The following THSD7B variants were observed in gnomAD, a reference collection of about 807,000 sequenced individuals.
THSD7B encodes the protein thrombospondin type-1 domain-containing protein 7B.
In THSD7B, 138 loss-of-function variants were observed where a neutral mutation model predicts 213.6. The ratio of observed to expected loss-of-function variants is 0.65; its 90% CI spans 0.56 to 0.74. THSD7B has a LOEUF of 0.74. Ranked by LOEUF, THSD7B falls within the 30% of genes least tolerant of loss-of-function variation. THSD7B has a pLI of 0.00. For missense variants in THSD7B, 1,931 were observed against 1,991.5 expected (o/e 0.97, Z 0.58); for synonymous variants, 742 against 687.0 (o/e 1.08, Z -1.25).
At chr2:136,845,210 A>G (rs1400980497) in intron 1 of THSD7B, among the ~76,000 whole-genome samples, 1 of 152,174 alleles carries the variant, frequency 6.6e-6, no homozygotes, top group Non-Finnish European at 1.5e-5. Context: ...GCACATTCCT[A>G]TGGAGGAGGT....
intron 7 of THSD7B, among the ~76,000 whole-genome samples, chr2:137,193,674 G>A (rs1440197889): frequency 6.6e-6 from 1 of 152,040 alleles, no homozygotes; most frequent in Non-Finnish European, 1.5e-5. Context: ...TGATGAGCAT[G>A]TCATTGGACC....
At chr2:137,105,468 T>C (rs1241018351) in intron 4 of THSD7B, among the ~76,000 whole-genome samples, 1 of 152,154 alleles carries the variant, frequency 6.6e-6, no homozygotes, top group Non-Finnish European at 1.5e-5. Context: ...GAGCAAAAAC[T>C]GGAAGCATTC....
intron 2 of THSD7B, among the ~76,000 whole-genome samples, chr2:136,942,682 A>G (rs1365712449): frequency 6.6e-6 from 1 of 152,072 alleles, no homozygotes; most frequent in East Asian, 1.9e-4. Flanking sequence ...AATGCTTGTG[A>G]TTTTCGCACA....
At chr2:136,954,373 AT>A (rs1685088205) in intron 2 of THSD7B, among the ~76,000 whole-genome samples, 1 of 152,088 alleles carries the variant, frequency 6.6e-6, no homozygotes, top group Non-Finnish European at 1.5e-5. Flanking sequence ...TCTCATAGTG[AT>A]TTTCCTCCTC....
At chr2:136,956,906 C>T (rs1685136021) in intron 2 of THSD7B, among the ~76,000 whole-genome samples, 1 of 151,982 alleles carries the variant, frequency 6.6e-6, no homozygotes, top group Non-Finnish European at 1.5e-5. Flanking sequence ...TCTTGAACTT[C>T]TGATCTCGTG....
intron 1 of THSD7B, among the ~76,000 whole-genome samples, chr2:136,799,239 CT>C: frequency 6.6e-6 from 1 of 151,988 alleles, no homozygotes; most frequent in South Asian, 2.1e-4. Flanking sequence ...TTGCCCTCCA[CT>C]GTAATAATCC....
intron 24 of THSD7B, among the ~76,000 whole-genome samples, chr2:137,657,928 G>A (rs1488339178): frequency 6.6e-6 from 1 of 152,030 alleles, no homozygotes; most frequent in Admixed American, 6.5e-5. Flanking sequence ...GGCCAGGATG[G>A]TCTCGATCTC....
chr2:137,117,079 T>C (rs2104940377), intron 5 of THSD7B, among the ~76,000 whole-genome samples: 1 of 152,298 alleles, frequency 6.6e-6, no homozygotes, highest in Admixed American at 6.5e-5. Context: ...ATATAGTGAG[T>C]AAAACTATGC....
chr2:136,869,542 A>G (rs1259325039), intron 1 of THSD7B, among the ~76,000 whole-genome samples: 2 of 152,348 alleles, frequency 1.3e-5, no homozygotes, highest in East Asian at 3.9e-4. Context: ...AGCAGTATTA[A>G]TTAACGATAA....
chr2:137,597,906 A>C (rs1309861369), intron 17 of THSD7B, among the ~76,000 whole-genome samples: 1 of 152,140 alleles, frequency 6.6e-6, no homozygotes, highest in Admixed American at 6.6e-5. Flanking sequence ...CTCAGTTTTC[A>C]TATCTATAAT....
At chr2:136,914,578 G>A (rs1345505948) in intron 2 of THSD7B, among the ~76,000 whole-genome samples, 3 of 152,148 alleles carry the variant, frequency 2.0e-5, no homozygotes, top group African/African-American at 2.4e-5. Flanking sequence ...ATGGGAGCCC[G>A]TCTTTCCCCT....
chr2:137,631,141 G>A (rs1188606118), intron 20 of THSD7B, among the ~76,000 whole-genome samples: 1 of 152,132 alleles, frequency 6.6e-6, no homozygotes, highest in Non-Finnish European at 1.5e-5. Context: ...AAGATTTCAA[G>A]GTCAGAACAG....
At chr2:136,877,478 G>T (rs1683543657) in intron 1 of THSD7B, among the ~76,000 whole-genome samples, 1 of 152,128 alleles carries the variant, frequency 6.6e-6, no homozygotes, top group Non-Finnish European at 1.5e-5. Context: ...CCATCTTTCA[G>T]CTGGAGCACT....
intron 21 of THSD7B, among the ~76,000 whole-genome samples, chr2:137,645,308 A>G (rs1573762806): frequency 6.6e-6 from 1 of 152,248 alleles, no homozygotes; most frequent in East Asian, 1.9e-4. Flanking sequence ...CACATTAGGC[A>G]GTAATGCCAA....
rs78762278 is a variant in THSD7B, at chr2:137,163,598, G to C, written c.1525+3230G>C. ...AGAGAGGCATGGCACAGATTCTTCTGTAAAGCCTCCAGAGGGAGCATGTGG... is the reference window on the plus strand; with the variant it reads ...AGAGAGGCATGGCACAGATTCTTCTCTAAAGCCTCCAGAGGGAGCATGTGG... On this transcript the variant is annotated intron_variant, in intron 6 of 27. Coordinates refer to ENST00000409968, the MANE Select transcript of THSD7B (RefSeq NM_001316349.2). 3.6e-3 allele frequency among the ~76,000 whole-genome samples: 550 copies of C among 152,334 alleles called. 2 individuals are homozygous for C. The highest frequency in any genetic ancestry group is 0.012 in the African/African-American group (500 of 41,580).
At chr2:137,488,006 G>A (rs1225403905) in intron 15 of THSD7B, among the ~76,000 whole-genome samples, 1 of 12,668 alleles carries the variant, frequency 7.9e-5, no homozygotes, top group African/African-American at 1.6e-4. Flanking sequence ...CTCGTGATCC[G>A]CCCGCCTCGG....
At chr2:137,106,644 A>G (rs1688257601) in intron 4 of THSD7B, among the ~76,000 whole-genome samples, 1 of 152,192 alleles carries the variant, frequency 6.6e-6, no homozygotes, top group African/African-American at 2.4e-5. Context: ...CTATCTATCC[A>G]TTTGACAAAG....
chr2:136,972,833 A>G (rs1322076457), intron 2 of THSD7B, among the ~76,000 whole-genome samples: 1 of 152,158 alleles, frequency 6.6e-6, no homozygotes, highest in Non-Finnish European at 1.5e-5. Context: ...CAACAAAATG[A>G]AAACCTTTTT....
chr2:137,506,284 A>G (rs1037923406), intron 15 of THSD7B, among the ~76,000 whole-genome samples: 4 of 152,370 alleles, frequency 2.6e-5, no homozygotes, highest in South Asian at 2.1e-4. Flanking sequence ...AAAAGCCCTC[A>G]GATGCCTCTT....
Sources: allele counts gnomAD v4.1 joint callset (sites outside exome capture counted in the v4.1 genomes callset), GRCh38; gene constraint gnomAD v4.1.1; transcripts MANE v1.5; gene names NCBI Gene and HGNC (gene_info 2026-07-23, HGNC 2026-07-21).